CTNNA3: variants seen among roughly 807,000 people sequenced by gnomAD.
CTNNA3 encodes catenin alpha 3.
A neutral mutation model predicts 95.7 loss-of-function variants in CTNNA3; 76 were observed. The observed-to-expected ratio is 0.79, with a 90% CI of 0.66 to 0.96. The LOEUF (loss-of-function observed/expected upper bound fraction) is 0.96, where lower values mean the gene tolerates loss of function less well. CTNNA3 is among the 40% of genes least tolerant of loss of function. CTNNA3 has a pLI of 0.00. For synonymous variants in CTNNA3, 431 were observed against 374.4 expected (o/e 1.15, Z -1.74); for missense variants, 1,191 against 1,089.8 (o/e 1.09, Z -1.31).
intron 14 of CTNNA3, among the ~76,000 whole-genome samples, chr10:66,087,921 C>T (rs1190731119): frequency 1.3e-5 from 2 of 151,930 alleles, no homozygotes; most frequent in East Asian, 3.9e-4. Context: ...AGATAGAGAA[C>T]AAAAATTTCG....
At chr10:67,094,261 T>C (rs1040977629) in intron 7 of CTNNA3, among the ~76,000 whole-genome samples, 6 of 151,874 alleles carry the variant, frequency 4.0e-5, no homozygotes, top group Admixed American at 1.3e-4. Flanking sequence ...TTAAGAATCA[T>C]TGGGTTCCTA....
intron 5 of CTNNA3, among the ~76,000 whole-genome samples, chr10:67,342,012 T>C (rs552932671): frequency 0.035 from 817 of 23,150 alleles, 6 homozygotes; most frequent in East Asian, 0.25. Flanking sequence ...TCAAACTCCA[T>C]CTATTCTACA....
intron 10 of CTNNA3, among the ~76,000 whole-genome samples, chr10:66,586,339 G>A (rs930591709): frequency 2.0e-5 from 3 of 152,122 alleles, no homozygotes; most frequent in Admixed American, 6.6e-5. Context: ...AGCTTTGACA[G>A]AGGCAGCTGG....
At chr10:67,709,078 C>A (rs1841093098) in intron 1 of CTNNA3, among the ~76,000 whole-genome samples, 1 of 152,056 alleles carries the variant, frequency 6.6e-6, no homozygotes, top group Admixed American at 6.6e-5. Context: ...TCCCCTTATG[C>A]ACAGAATCAC....
chr10:67,367,674 G>C (rs78616584), intron 5 of CTNNA3, among the ~76,000 whole-genome samples: 2,728 of 152,210 alleles, frequency 0.018, 88 homozygotes, highest in African/African-American at 0.061. Context: ...CTAGGTGCCC[G>C]TCAAAAGTGA....
At chr10:67,361,556 G>T (rs1249086702) in intron 5 of CTNNA3, among the ~76,000 whole-genome samples, 3 of 152,154 alleles carry the variant, frequency 2.0e-5, no homozygotes, top group East Asian at 3.9e-4. Flanking sequence ...GCAAAAAATA[G>T]AAAATTATTT....
At chr10:67,692,732 T>C (rs1210963971) in intron 1 of CTNNA3, among the ~76,000 whole-genome samples, 1 of 62,132 alleles carries the variant, frequency 1.6e-5, no homozygotes, top group Non-Finnish European at 2.7e-5. Flanking sequence ...CCAAGAATGA[T>C]CAATAAAAAA....
intron 7 of CTNNA3, among the ~76,000 whole-genome samples, chr10:67,148,761 A>G (rs943810343): frequency 2.0e-5 from 3 of 152,194 alleles, no homozygotes; most frequent in Non-Finnish European, 4.4e-5. Flanking sequence ...ACACATAGCA[A>G]TTTATAGGTA....
intron 15 of CTNNA3, among the ~76,000 whole-genome samples, chr10:65,989,629 CTATTTGTACATACATAGAATGTG>C (rs1023308127): frequency 6.6e-6 from 1 of 151,898 alleles, no homozygotes; most frequent in Non-Finnish European, 1.5e-5. Context: ...TATTATTTTG[CTATTTGTACATACATAGAATGTG>C]TAATGATTAA....
chr10:67,286,764 C>T (rs910160810), intron 5 of CTNNA3, among the ~76,000 whole-genome samples: 1 of 152,166 alleles, frequency 6.6e-6, no homozygotes, highest in Admixed American at 6.5e-5. Flanking sequence ...ATTAACTCTG[C>T]ATTAACTCCT....
intron 10 of CTNNA3, among the ~76,000 whole-genome samples, chr10:66,597,588 A>G (rs1168938104): frequency 1.4e-5 from 2 of 145,656 alleles, no homozygotes; most frequent in Non-Finnish European, 3.0e-5. Context: ...CAAATAAATA[A>G]TAAAAATCAG....
intron 10 of CTNNA3, among the ~76,000 whole-genome samples, chr10:66,583,016 G>A (rs1203866388): frequency 6.6e-6 from 1 of 151,632 alleles, no homozygotes; most frequent in East Asian, 1.9e-4. Context: ...TTATTTTTTT[G>A]ATGCGCTGTT....
intron 5 of CTNNA3, among the ~76,000 whole-genome samples, chr10:67,483,064 G>A (rs1848300150): frequency 6.6e-6 from 1 of 151,996 alleles, no homozygotes; most frequent in Non-Finnish European, 1.5e-5. Flanking sequence ...AAACCACAAT[G>A]AGATACCATC....
At chr10:66,570,047 G>T (rs930302385) in intron 10 of CTNNA3, among the ~76,000 whole-genome samples, 3 of 152,102 alleles carry the variant, frequency 2.0e-5, no homozygotes, top group Non-Finnish European at 4.4e-5. Flanking sequence ...CATTAAGAAT[G>T]ACTCTCATCT....
At chr10:66,375,329 GAC>G (rs1175456146) in intron 12 of CTNNA3, among the ~76,000 whole-genome samples, 1 of 152,004 alleles carries the variant, frequency 6.6e-6, no homozygotes, top group African/African-American at 2.4e-5. Context: ...GCTATAATGA[GAC>G]AGAGTGGAAG....
chr10:66,043,956 CTGTG>C (rs59559225), intron 15 of CTNNA3, among the ~76,000 whole-genome samples: 16,624 of 144,320 alleles, frequency 0.12, 932 homozygotes, highest in Middle Eastern at 0.18. Flanking sequence ...TAGGACTATG[CTGTG>C]TGTGTGTGTG....
At chr10:67,584,678 G>GAGGC (rs566860647) in intron 3 of CTNNA3, among the ~76,000 whole-genome samples, 1 of 152,232 alleles carries the variant, frequency 6.6e-6, no homozygotes, top group Non-Finnish European at 1.5e-5. Flanking sequence ...GGAGTCTACA[G>GAGGC]AGGCAGGCAG....
chr10:66,671,624 AC>A (rs1258867620), intron 9 of CTNNA3, among the ~76,000 whole-genome samples: 2 of 152,178 alleles, frequency 1.3e-5, no homozygotes, highest in African/African-American at 4.8e-5. Context: ...GTTTTTAGTT[AC>A]TGACCTCCAC....
chr10:66,264,289 A>G (rs1428004042), intron 13 of CTNNA3, among the ~76,000 whole-genome samples: 1 of 151,930 alleles, frequency 6.6e-6, no homozygotes, highest in Non-Finnish European at 1.5e-5. Context: ...AAGAAACCCC[A>G]AAGCCACATT....
Sources: allele counts gnomAD v4.1 joint callset (sites outside exome capture counted in the v4.1 genomes callset), GRCh38; gene constraint gnomAD v4.1.1; transcripts MANE v1.5; gene names NCBI Gene and HGNC (gene_info 2026-07-23, HGNC 2026-07-21).